BRCA1: variants seen among roughly 807,000 people sequenced by gnomAD.
The protein encoded by BRCA1 is BRCA1 DNA repair associated, also known as breast cancer type 1 susceptibility protein.
In BRCA1, 140 loss-of-function variants were observed where a neutral mutation model predicts 173.7. That is an observed-to-expected ratio of 0.81 (90% CI 0.70 to 0.93). BRCA1 has a LOEUF of 0.93. BRCA1 is among the 40% of genes least tolerant of loss of function. The pLI is 0.00. For synonymous variants in BRCA1, 662 were observed against 756.0 expected, an observed-to-expected ratio of 0.88 and a Z score of 2.04; for missense variants, 1,983 against 2,172.5, an observed-to-expected ratio of 0.91 and a Z score of 1.73.
At chr17:43,082,996 A>G (rs1290949176) in intron 11 of BRCA1, among the ~76,000 whole-genome samples, 1 of 152,192 alleles carries the variant, frequency 6.6e-6, no homozygotes, top group Non-Finnish European at 1.5e-5. Flanking sequence ...AGGTTAGTTC[A>G]TATAAAAATG....
In BRCA1 at chr17:43,118,383, C is replaced by CT. The variant is rs1340979497; in HGVS notation, c.81-2605dup. Among the ~76,000 whole-genome samples the CT allele has an allele frequency of 1.1e-3, 163 of 146,336 alleles. No individual in the cohort carries two copies. In the Middle Eastern group the frequency reaches 0.014, roughly 12 times the overall value. On this transcript the variant is annotated intron_variant, in intron 2 of 22. Transcript: ENST00000357654. ...GCTTTATTCTGGTCTTTTTAATTTT[C>CT]TTTTTTTTTTTCAGACAGAGTCTCG...
chr17:43,119,848 A>C (rs2055468008), intron 2 of BRCA1, among the ~76,000 whole-genome samples: 1 of 152,244 alleles, frequency 6.6e-6, no homozygotes, highest in African/African-American at 2.4e-5. Flanking sequence ...ATTATAATCT[A>C]AACTATATAA....
At chr17:43,114,050 G>A (rs540952111) in intron 3 of BRCA1, among the ~76,000 whole-genome samples, 1 of 151,184 alleles carries the variant, frequency 6.6e-6, no homozygotes, top group South Asian at 2.1e-4. Flanking sequence ...ACTCCAGCCT[G>A]GGCAATAGAG....
At chr17:43,076,422 ACAAT>A in intron 13 of BRCA1, 62 bp downstream of exon 13, 2 of 1,587,152 alleles carry the variant, frequency 1.3e-6, no homozygotes, top group East Asian at 2.2e-5. Flanking sequence ...AAAAAAATTA[ACAAT>A]CAGAGTTCAA....
chr17:43,074,317 A>G lies in BRCA1; in HGVS notation c.4675+14T>C, dbSNP rs2052583222. ...ATCAAAGTGTTTGTTCCAATACAGC[A>G]GATGAAATATTACCTAGATCTTGCC... On this transcript the variant is annotated intron_variant, in intron 14 of 22. Coordinates refer to ENST00000357654, the MANE Select transcript of BRCA1 (RefSeq NM_007294.4). 6.2e-7 allele frequency: 1 copy of G among 1,613,730 alleles called. No homozygotes were observed. Among genetic ancestry groups the G allele is most frequent in the South Asian group, 1.1e-5 (1 of 91,064 alleles).
chr17:43,123,823 G>A (rs928447698), intron 2 of BRCA1, among the ~76,000 whole-genome samples, 194 bp downstream of exon 2: 1 of 152,222 alleles, frequency 6.6e-6, no homozygotes, highest in Non-Finnish European at 1.5e-5. Context: ...AGGAGTGGGA[G>A]AGGCAGAGTG....
chr17:43,165,693 T>C (rs2056261860), intron 1 of BRCA1: 2 of 151,952 alleles, frequency 1.3e-5, no homozygotes, highest in Non-Finnish European at 2.9e-5. Flanking sequence ...TACCATATAA[T>C]ACTCTTTTTA....
chr17:43,124,858 G>C, intron 1 of BRCA1: 1 of 299,278 alleles, frequency 3.3e-6, no homozygotes, highest in Non-Finnish European at 6.6e-6. Context: ...CCGGGTTCTA[G>C]CGATTCTCCT....
At chr17:43,143,653 T>C (rs947632963) in intron 1 of BRCA1, among the ~76,000 whole-genome samples, 3 of 152,228 alleles carry the variant, frequency 2.0e-5, no homozygotes, top group African/African-American at 7.2e-5. Context: ...GACTTTTTTT[T>C]TGAAGATGGA....
chr17:43,092,327 A>G lies in BRCA1; in HGVS notation c.3204T>C (p.Ile1068=). 1 of 1,613,908 alleles carries G rather than the reference A, an allele frequency of 6.2e-7. No homozygotes were observed. Among genetic ancestry groups the G allele is most frequent in the Middle Eastern group, 1.6e-4 (1 of 6,062 alleles). The change falls in exon 10 of 23, where the codon ATT becomes ATC. Residue 1068 remains isoleucine (I), a synonymous_variant. Coordinates refer to ENST00000357654, the MANE Select transcript of BRCA1 (RefSeq NM_007294.4). ...INEIGSSDEN[I]QAELGRNRGP... is the part of the protein sequence containing the mutation. ...CTCTGTTTCTACCTAGTTCTGCTTG[A>G]ATGTTTTCATCACTGGAACCTATTT... is the stretch of plus-strand genomic sequence containing the variant.
At chr17:43,102,357 C>CAT (rs1555595831) in intron 6 of BRCA1, among the ~76,000 whole-genome samples, 36 of 93,208 alleles carry the variant, frequency 3.9e-4, no homozygotes, top group Non-Finnish European at 6.0e-4. Context: ...AGGCGTGAAG[C>CAT]TTTTTTTTTT....
chr17:43,098,642 C>T (rs2154524857), intron 7 of BRCA1, among the ~76,000 whole-genome samples: 1 of 149,576 alleles, frequency 6.7e-6, no homozygotes, highest in Non-Finnish European at 1.5e-5. Flanking sequence ...ATTGGGATTA[C>T]AGGCATGAGC....
intron 1 of BRCA1, among the ~76,000 whole-genome samples, chr17:43,147,204 T>C (rs890484112): frequency 1.3e-5 from 2 of 152,096 alleles, no homozygotes; most frequent in Non-Finnish European, 2.9e-5. Flanking sequence ...TTCTTTTTTA[T>C]TTTGAGACAG....
intron 1 of BRCA1, among the ~76,000 whole-genome samples, chr17:43,156,577 G>A (rs1337481306): frequency 6.6e-6 from 1 of 152,040 alleles, no homozygotes; most frequent in Admixed American, 6.5e-5. Context: ...TTATTACTGG[G>A]ACCAAATGTG....
intron 1 of BRCA1, among the ~76,000 whole-genome samples, chr17:43,148,205 G>A (rs546204479): frequency 2.6e-5 from 4 of 152,132 alleles, no homozygotes; most frequent in East Asian, 1.9e-4. Context: ...CAGGAGAATC[G>A]CTTGAACCCA....
intron 1 of BRCA1, among the ~76,000 whole-genome samples, chr17:43,152,806 G>C (rs546791576): frequency 2.0e-5 from 3 of 152,066 alleles, no homozygotes; most frequent in Non-Finnish European, 4.4e-5. Context: ...AGTGAGCTGA[G>C]ATTGCGCCAC....
chr17:43,168,410 G>T (rs923946700), intron 1 of BRCA1, among the ~76,000 whole-genome samples: 3 of 152,258 alleles, frequency 2.0e-5, no homozygotes, highest in African/African-American at 7.2e-5. Context: ...GGCCGAGGCG[G>T]GCGGATGACC....
chr17:43,164,434 G>A (rs1164872732), intron 1 of BRCA1: 1 of 152,190 alleles, frequency 6.6e-6, no homozygotes, highest in Non-Finnish European at 1.5e-5. Flanking sequence ...AGCTGTCTTT[G>A]ACTTGGCAAG....
At chr17:43,115,064 C>T (rs1343112987) in intron 3 of BRCA1, among the ~76,000 whole-genome samples, 1 of 152,130 alleles carries the variant, frequency 6.6e-6, no homozygotes, top group African/African-American at 2.4e-5. Flanking sequence ...AGGGGGAATG[C>T]ATAAGGATAT....
Sources: allele counts gnomAD v4.1 joint callset (sites outside exome capture counted in the v4.1 genomes callset), GRCh38; gene constraint gnomAD v4.1.1; transcripts MANE v1.5; gene names NCBI Gene and HGNC (gene_info 2026-07-23, HGNC 2026-07-21).